The following TBC1D14 variants were observed in gnomAD, a reference collection of about 807,000 sequenced individuals.
TBC1D14 encodes TBC1 domain family member 14.
In TBC1D14, 26 loss-of-function variants were observed where a neutral mutation model predicts 79.0. The observed-to-expected ratio is 0.33, with a 90% CI of 0.24 to 0.46. The LOEUF is 0.46. Among genes scored for constraint, TBC1D14 ranks in the 20% least tolerant of loss-of-function variants. The pLI is 1.00. For missense variants in TBC1D14, 769 were observed against 887.6 expected (o/e 0.87, Z 1.70); for synonymous variants, 394 against 349.9 (o/e 1.13, Z -1.40).
intron 2 of TBC1D14, among the ~76,000 whole-genome samples, chr4:6,947,601 G>C: frequency 6.7e-6 from 1 of 150,184 alleles, no homozygotes. Context: ...GGCGGAGGTT[G>C]TAGTGAGCTG....
intron 7 of TBC1D14, among the ~76,000 whole-genome samples, chr4:7,003,376 G>A (rs949098675): frequency 5.3e-5 from 8 of 152,212 alleles, no homozygotes; most frequent in South Asian, 4.1e-4. Flanking sequence ...ACCAAAGCTT[G>A]GCCGGCCTCC....
chr4:6,916,232 T>G (rs898631646), intron 1 of TBC1D14, among the ~76,000 whole-genome samples: 1 of 152,020 alleles, frequency 6.6e-6, no homozygotes, highest in Non-Finnish European at 1.5e-5. Flanking sequence ...GAGGATCAGA[T>G]AGGACAGTGG....
At chr4:6,916,168 G>T (rs1229935774) in intron 1 of TBC1D14, among the ~76,000 whole-genome samples, 1 of 151,946 alleles carries the variant, frequency 6.6e-6, no homozygotes, top group Non-Finnish European at 1.5e-5. Flanking sequence ...GAAGTCAGTG[G>T]CCAGAGCTGG....
intron 2 of TBC1D14, among the ~76,000 whole-genome samples, chr4:6,946,043 C>G (rs1010862261): frequency 6.6e-6 from 1 of 152,134 alleles, no homozygotes; most frequent in Non-Finnish European, 1.5e-5. Context: ...ACTTTCAATT[C>G]AGACTTCAGC....
intron 7 of TBC1D14, 183 bp downstream of exon 7, chr4:7,001,434 C>A: frequency 3.5e-6 from 2 of 576,112 alleles, no homozygotes; most frequent in Non-Finnish European, 6.2e-6. Context: ...CTGTGCACTC[C>A]GGTTACCTGA....
intron 4 of TBC1D14, chr4:6,995,301 G>A (rs1436200718): frequency 1.3e-5 from 2 of 152,170 alleles, no homozygotes; most frequent in Non-Finnish European, 2.9e-5. Flanking sequence ...TAAAAATCTG[G>A]TCAGGAAATG....
intron 3 of TBC1D14, among the ~76,000 whole-genome samples, chr4:6,978,116 T>TGG (rs1197372037): frequency 7.2e-6 from 1 of 138,954 alleles, no homozygotes; most frequent in Non-Finnish European, 1.5e-5. Flanking sequence ...GGGAGGGAGG[T>TGG]GGGGGGGTCA....
chr4:6,953,010 T>C lies in TBC1D14; in HGVS notation c.723-14294T>C, dbSNP rs569050978. Among the ~76,000 whole-genome samples, 6 of 139,830 alleles carry C rather than the reference T, an allele frequency of 4.3e-5. No individual in the cohort carries two copies. The East Asian group carries it at 1.1e-3, about 26-fold the overall frequency. 91.7% of individuals were successfully genotyped at this position (139,830 alleles called of 152,430 possible). On this transcript the variant is annotated intron_variant, in intron 2 of 13. Transcript: ENST00000409757. Reference sequence around the variant, plus strand: ...GCACCCACTGTCACGCCTAGCTAACTATTTTTTTCTTTCTTTTTTTTTTTT... The same window carrying C: ...GCACCCACTGTCACGCCTAGCTAACCATTTTTTTCTTTCTTTTTTTTTTTT...
In TBC1D14 at chr4:6,921,153, G is replaced by T. The variant is rs371970972; in HGVS notation, c.-17-2220G>T. 7.6e-4 allele frequency among the ~76,000 whole-genome samples: 116 copies of T among 152,276 alleles called. No individual in the cohort carries two copies. In the Middle Eastern group the frequency reaches 0.01, roughly 13 times the overall value. On this transcript the variant is annotated intron_variant, in intron 1 of 13. Coordinates refer to ENST00000409757, the MANE Select transcript of TBC1D14 (RefSeq NM_020773.3). ...TGCTGGGGCTGTGCTCTCCGGGCTG[G>T]TGTGCCACATACCCTCCCTTCCTCA...
At chr4:6,990,266 T>C (rs977604884) in intron 3 of TBC1D14, among the ~76,000 whole-genome samples, 1 of 152,106 alleles carries the variant, frequency 6.6e-6, no homozygotes, top group Non-Finnish European at 1.5e-5. Context: ...CTGGCCAACA[T>C]GGCAAAACCC....
Position 7,025,224 on chromosome 4 carries a change from A to G in TBC1D14, c.1978A>G (p.Thr660Ala). 2 of 1,614,240 alleles carry G rather than the reference A, an allele frequency of 1.2e-6. No homozygotes were observed. Among genetic ancestry groups the G allele is most frequent in the South Asian group, 1.1e-5 (1 of 91,088 alleles). The change falls in exon 13 of 14, where the codon ACG (threonine) becomes GCG (alanine). Residue 660 changes from threonine (T) to alanine (A), a missense_variant. By Grantham distance (58) the Thr-to-Ala change is moderately conservative (BLOSUM62 0). Transcript: ENST00000409757. ...PAEELFASIA[T>A]IQMQSRNKKW... ...CGAGGAGCTGTTTGCCTCCATCGCC[A>G]CGATCCAGATGCAGAGCCGAAACAA... is the stretch of plus-strand genomic sequence containing the variant.
intron 12 of TBC1D14, among the ~76,000 whole-genome samples, chr4:7,016,964 C>G (rs906069431): frequency 6.6e-6 from 1 of 152,188 alleles, no homozygotes; most frequent in African/African-American, 2.4e-5. Context: ...CTTGGAACAA[C>G]CTCTCCAAGC....
At chr4:6,932,234 C>T (rs759539402) in intron 2 of TBC1D14, among the ~76,000 whole-genome samples, 10 of 152,020 alleles carry the variant, frequency 6.6e-5, no homozygotes, top group Non-Finnish European at 8.8e-5. Context: ...GTGGCATGCA[C>T]CTGTAATCCC....
intron 2 of TBC1D14, among the ~76,000 whole-genome samples, chr4:6,943,062 T>C (rs1373336404): frequency 6.6e-6 from 1 of 152,162 alleles, no homozygotes; most frequent in Non-Finnish European, 1.5e-5. Flanking sequence ...CTAGGTTCCT[T>C]CCGTCCTGTG....
At chr4:6,957,265 A>G (rs1011292130) in intron 2 of TBC1D14, among the ~76,000 whole-genome samples, 11 of 152,184 alleles carry the variant, frequency 7.2e-5, no homozygotes, top group Admixed American at 4.6e-4. Flanking sequence ...TGTCTAGGCT[A>G]TTTTCCTTGG....
intron 12 of TBC1D14, among the ~76,000 whole-genome samples, chr4:7,017,618 T>G (rs1199329587): frequency 1.3e-5 from 2 of 152,216 alleles, no homozygotes; most frequent in Non-Finnish European, 2.9e-5. Context: ...GAGGCCTTTG[T>G]GCTGTGAGCT....
chr4:7,028,495 T>C (rs564541555), intron 13 of TBC1D14, among the ~76,000 whole-genome samples: 1 of 151,466 alleles, frequency 6.6e-6, no homozygotes, highest in South Asian at 2.1e-4. Flanking sequence ...GGCGCAATCT[T>C]GGCTCACTGC....
At chr4:6,991,662 G>A (rs1718502242) in intron 3 of TBC1D14, among the ~76,000 whole-genome samples, 1 of 152,204 alleles carries the variant, frequency 6.6e-6, no homozygotes, top group South Asian at 2.1e-4. Flanking sequence ...TGTTGGCGTG[G>A]TCTGGGATGG....
chr4:6,918,497 C>T (rs893824520), intron 1 of TBC1D14, among the ~76,000 whole-genome samples: 1 of 152,216 alleles, frequency 6.6e-6, no homozygotes, highest in African/African-American at 2.4e-5. Context: ...TTGCCAATGC[C>T]TTCAGCAGAC....
Sources: allele counts gnomAD v4.1 joint callset (sites outside exome capture counted in the v4.1 genomes callset), GRCh38; gene constraint gnomAD v4.1.1; transcripts MANE v1.5; gene names NCBI Gene and HGNC (gene_info 2026-07-23, HGNC 2026-07-21).